UNC13A: variants seen among roughly 807,000 people sequenced by gnomAD.
UNC13A encodes the protein protein unc-13 homolog A.
A neutral mutation model predicts 219.7 loss-of-function variants in UNC13A; 61 were observed. That is an observed-to-expected ratio of 0.28 (90% CI 0.23 to 0.34). The LOEUF (loss-of-function observed/expected upper bound fraction) is 0.34. Among genes scored for constraint, UNC13A ranks in the 10% least tolerant of loss-of-function variants. The pLI is 1.00. For synonymous variants in UNC13A, 920 were observed against 884.6 expected (o/e 1.04, Z -0.71); for missense variants, 1,476 against 2,270.3 (o/e 0.65, Z 7.11).
chr19:17,628,669 A>G (rs1454033095), intron 31 of UNC13A, among the ~76,000 whole-genome samples: 1 of 151,968 alleles, frequency 6.6e-6, no homozygotes, highest in Non-Finnish European at 1.5e-5. Context: ...ACATACATAC[A>G]CTCACACTAT....
chr19:17,613,559 C>T (rs8104445), intron 41 of UNC13A, among the ~76,000 whole-genome samples: 14,548 of 152,062 alleles, frequency 0.096, 1,389 homozygotes, highest in African/African-American at 0.25. Context: ...CATTCTTGCC[C>T]TTGTTAACTC....
At chr19:17,653,159 A>G (rs776375490) in intron 11 of UNC13A, among the ~76,000 whole-genome samples, 12 of 151,004 alleles carry the variant, frequency 7.9e-5, no homozygotes, top group Non-Finnish European at 1.5e-4. Flanking sequence ...CACAGGCAGC[A>G]CTCTTCTGTT....
chr19:17,614,894 C>G (rs2076646240), intron 41 of UNC13A, among the ~76,000 whole-genome samples: 1 of 152,162 alleles, frequency 6.6e-6, no homozygotes, highest in African/African-American at 2.4e-5. Flanking sequence ...CCGGGGGTGC[C>G]AGGGGGAATT....
chr19:17,641,295 T>A, intron 21 of UNC13A, 98 bp downstream of exon 21: 1 of 1,495,908 alleles, frequency 6.7e-7, no homozygotes, highest in Admixed American at 1.9e-5. Flanking sequence ...CCACTTCCTC[T>A]CTGGGTCTTC....
intron 8 of UNC13A, among the ~76,000 whole-genome samples, chr19:17,663,325 C>A (rs910468908): frequency 2.0e-4 from 30 of 148,100 alleles, no homozygotes; most frequent in African/African-American, 6.2e-4. Flanking sequence ...GGTGCCCACT[C>A]CCCAGCAGAT....
In UNC13A at chr19:17,653,821, CTTTTTTTTTTTT is replaced by C. The variant is rs57243215; in HGVS notation, c.1393-1156_1393-1145del. Among the ~76,000 whole-genome samples, 64 of 78,282 alleles carry C rather than the reference CTTTTTTTTTTTT, an allele frequency of 8.2e-4. 1 individual carries two copies. The highest frequency in any genetic ancestry group is 1.2e-3 in the African/African-American group (23 of 18,490). 51.4% of individuals were successfully genotyped at this position (78,282 alleles called of 152,430 possible). A position where few individuals can be genotyped will look rare whatever the true frequency, so the allele number is the denominator to read the frequency against. ...AATAAATATTTTGGATATCACTTCT[CTTTTTTTTTTTT>C]TTTTTTTTTTTGAAATGGAGTCTCG... is the stretch of plus-strand genomic sequence containing the variant. On this transcript the variant is annotated intron_variant, in intron 11 of 43. Coordinates refer to ENST00000519716, the MANE Select transcript of UNC13A (RefSeq NM_001080421.3).
chr19:17,648,929 A>C lies in UNC13A; in HGVS notation c.1579T>G (p.Leu527Val). 1.2e-6 allele frequency: 2 copies of C among 1,602,026 alleles called. No individual in the cohort carries two copies. The change falls in exon 15 of 44, where the codon TTG becomes GTG. Residue 527 changes from leucine to valine, a missense_variant. Transcript: ENST00000519716. ...GITSALASST[L>V]NNEELKNHVY... ...CCACGCACCAGCTCCTCGTTGTTCA[A>C]CGTGCTGGAGGCCAAGGCCGAGGTG...
At chr19:17,623,359 T>A in intron 36 of UNC13A, 183 bp downstream of exon 36, 12 of 503,342 alleles carry the variant, frequency 2.4e-5, no homozygotes, top group Admixed American at 7.5e-5. Context: ...TCTCCCTCCC[T>A]CCCAGCCCCG....
At chr19:17,623,447 C>A in intron 36 of UNC13A, 95 bp downstream of exon 36, 1 of 863,954 alleles carries the variant, frequency 1.2e-6, no homozygotes, top group Non-Finnish European at 1.7e-6. Context: ...GGAGGGGGCG[C>A]TGGGTGGGTG....
At chr19:17,650,419 C>T (rs1383735407) in intron 12 of UNC13A, among the ~76,000 whole-genome samples, 1 of 152,050 alleles carries the variant, frequency 6.6e-6, no homozygotes, top group Non-Finnish European at 1.5e-5. Context: ...GAGGTTGAAG[C>T]AGGATAATTG....
chr19:17,640,420 G>A (rs995947604), intron 22 of UNC13A, 91 bp downstream of exon 22: 1 of 1,451,648 alleles, frequency 6.9e-7, no homozygotes, highest in Non-Finnish European at 9.2e-7. Context: ...CAGCAATCAG[G>A]TCTAGACTGG....
At position 17,648,749 on chromosome 19, in the gene UNC13A, GC is replaced by G. The variant is rs1487231758; in HGVS notation, c.1597-100del. 2.0e-6 allele frequency: 3 copies of G among 1,505,536 alleles called. No individual in the cohort carries two copies. In the African/African-American group the frequency reaches 4.2e-5, roughly 21 times the overall value. The allele number at this position is 1,505,536 out of a possible 1,614,324, so 93.3% of individuals were successfully genotyped here. A position where few individuals can be genotyped will look rare whatever the true frequency, so the allele number is the denominator to read the frequency against. ...ATCACTGAGCGCGGTAAAGTCCCAG[GC>G]CCTCCCCTGCCTCCACGCTGTCGGA... On this transcript the variant is annotated intron_variant, in intron 15 of 43. Coordinates refer to ENST00000519716, the MANE Select transcript of UNC13A (RefSeq NM_001080421.3).
At position 17,631,073 on chromosome 19, in the gene UNC13A, C is replaced by CTCCTTCCTTCCT. The variant is rs145013574; in HGVS notation, c.3429-335_3429-324dup. ...CGTCCATCCTTCCCTCCCTCCCTCCCTCCTTCCTTCCTTCCTTCCTTCCTT... is the reference window on the plus strand; with the variant it reads ...CGTCCATCCTTCCCTCCCTCCCTCCCTCCTTCCTTCCTTCCTTCCTTCCTTCCTTCCTTCCTT... On this transcript the variant is annotated intron_variant, in intron 28 of 43. Transcript: ENST00000519716. Among the ~76,000 whole-genome samples, 12 of 112,784 alleles carry CTCCTTCCTTCCT rather than the reference C, an allele frequency of 1.1e-4. No homozygotes were observed. In the South Asian group the frequency reaches 2.0e-3, roughly 19 times the overall value. The allele number at this position is 112,784 out of a possible 152,430, so 74.0% of individuals were successfully genotyped here.
At chr19:17,654,432 G>C (rs956508741) in intron 11 of UNC13A, among the ~76,000 whole-genome samples, 1 of 152,120 alleles carries the variant, frequency 6.6e-6, no homozygotes, top group Non-Finnish European at 1.5e-5. Flanking sequence ...TTTTAAAACT[G>C]TTAAGAAATT....
At chr19:17,646,665 G>A (rs570830424) in intron 17 of UNC13A, among the ~76,000 whole-genome samples, 43 of 152,116 alleles carry the variant, frequency 2.8e-4, no homozygotes, top group South Asian at 4.2e-4. Flanking sequence ...TCTCCTGCTC[G>A]TTGGTGCCCC....
chr19:17,616,488 G>A (rs1420632987), intron 41 of UNC13A: 2 of 677,840 alleles, frequency 3.0e-6, no homozygotes, highest in Admixed American at 2.1e-5. Context: ...GGGGTGGAAG[G>A]GGGAGAGAGG....
intron 8 of UNC13A, among the ~76,000 whole-genome samples, chr19:17,661,464 C>T (rs188979804): frequency 4.6e-5 from 7 of 151,970 alleles, no homozygotes; most frequent in African/African-American, 7.2e-5. Context: ...GAGGCCAAGG[C>T]GGGAGGATTG....
intron 28 of UNC13A, among the ~76,000 whole-genome samples, chr19:17,632,406 G>A (rs369894797): frequency 1.3e-5 from 2 of 152,170 alleles, no homozygotes; most frequent in Non-Finnish European, 2.9e-5. Flanking sequence ...GAACTCCTGG[G>A]CTCAAGCAAG....
intron 6 of UNC13A, among the ~76,000 whole-genome samples, chr19:17,667,309 A>G (rs2079675041): frequency 3.3e-5 from 5 of 151,986 alleles, no homozygotes. Flanking sequence ...GAAGGGAGGA[A>G]GGAGGGAGCA....
Sources: gnomAD v4.1 joint callset for allele counts (sites outside exome capture counted in the v4.1 genomes callset) on GRCh38, gnomAD v4.1.1 for gene constraint, MANE v1.5 for transcripts, NCBI Gene and HGNC (gene_info 2026-07-23, HGNC 2026-07-21) for gene names.